HRH1: variants seen among roughly 807,000 people sequenced by gnomAD.
The protein encoded by HRH1 is histamine receptor H1.
Under a neutral mutation model 10.3 loss-of-function variants are expected in HRH1, and 6 were observed. That is an observed-to-expected ratio of 0.58 (90% CI 0.32 to 1.15). The LOEUF (loss-of-function observed/expected upper bound fraction) is 1.15. HRH1 is among the 50% of genes most tolerant of loss of function. The probability of loss-of-function intolerance (pLI) is 0.05; values close to 1 mark genes in which losing one functional copy is unlikely to be tolerated. For synonymous variants in HRH1, 242 were observed against 236.7 expected, an observed-to-expected ratio of 1.02 and a Z score of -0.21; for missense variants, 514 against 615.3, an observed-to-expected ratio of 0.84 and a Z score of 1.74.
At chr3:11,185,373 A>G (rs1330352782) in intron 1 of HRH1, among the ~76,000 whole-genome samples, 3 of 152,156 alleles carry the variant, frequency 2.0e-5, no homozygotes, top group Admixed American at 6.5e-5. Context: ...CAAAGTAGTA[A>G]GTCACTCCCC....
At chr3:11,222,570 T>C (rs1345214514) in intron 1 of HRH1, among the ~76,000 whole-genome samples, 1 of 151,670 alleles carries the variant, frequency 6.6e-6, no homozygotes, top group African/African-American at 2.4e-5. Flanking sequence ...GAGGGAAAAA[T>C]CAATGGAGAA....
chr3:11,220,530 T>C (rs1938677047), intron 1 of HRH1, among the ~76,000 whole-genome samples: 1 of 152,238 alleles, frequency 6.6e-6, no homozygotes, highest in Non-Finnish European at 1.5e-5. Flanking sequence ...GGTGTGGAGC[T>C]GCAGGGCTGC....
chr3:11,170,247 CA>C (rs1465620456), intron 1 of HRH1, among the ~76,000 whole-genome samples: 1 of 152,222 alleles, frequency 6.6e-6, no homozygotes, highest in East Asian at 1.9e-4. Flanking sequence ...ATTGTCATTT[CA>C]TGCCTTTTTA....
rs1005990567 is a variant in HRH1 at position 11,259,217 on chromosome 3, T to C, written c.180T>C (p.Thr60=). 2.7e-5 allele frequency: 44 copies of C among 1,613,236 alleles called. No homozygotes were observed. The highest frequency in any genetic ancestry group is 3.6e-5 in the Non-Finnish European group (42 of 1,179,884). The change falls in exon 2 of 2, where the codon ACT becomes ACC. Residue 60 remains threonine, a synonymous_variant. Transcript: ENST00000431010. The surrounding 1 kb of genome is among the most constrained non-coding windows in gnomAD (Gnocchi z 4.6). ...TACGGAGTGAGCGGAAGCTCCACAC[T>C]GTGGGGAACCTGTACATCGTCAGCC... ...YAVRSERKLH[T]VGNLYIVSLS...
intron 1 of HRH1, among the ~76,000 whole-genome samples, chr3:11,143,039 A>C (rs904526129): frequency 3.9e-5 from 6 of 152,326 alleles, no homozygotes; most frequent in Admixed American, 3.9e-4. Context: ...CTGTGTTTGC[A>C]GGGCTGCAAA....
intron 1 of HRH1, among the ~76,000 whole-genome samples, chr3:11,145,029 G>A (rs1428312483): frequency 3.9e-5 from 6 of 152,046 alleles, no homozygotes; most frequent in Admixed American, 3.9e-4. Flanking sequence ...TTCCTCCTAA[G>A]TATCTCTGGA....
chr3:11,201,810 C>T (rs1339652751), intron 1 of HRH1, among the ~76,000 whole-genome samples: 4 of 152,192 alleles, frequency 2.6e-5, no homozygotes, highest in Admixed American at 2.0e-4. Context: ...AAAATAAAAG[C>T]GGGGACCTTG....
chr3:11,201,624 A>G (rs969304635), intron 1 of HRH1, among the ~76,000 whole-genome samples: 10 of 152,186 alleles, frequency 6.6e-5, no homozygotes, highest in Non-Finnish European at 1.5e-5. Context: ...TCCAAGAAAC[A>G]GGCTGAAAAA....
At chr3:11,203,562 T>G (rs150936839) in intron 1 of HRH1, among the ~76,000 whole-genome samples, 28 of 152,288 alleles carry the variant, frequency 1.8e-4, no homozygotes, top group African/African-American at 6.7e-4. Context: ...CTAGATGTAC[T>G]TTTTTGCATG....
At chr3:11,151,736 A>G (rs1936632577), upstream of HRH1, among the ~76,000 whole-genome samples, 1 of 152,096 alleles carries the variant, frequency 6.6e-6, no homozygotes. Context: ...CCTGAGCTCA[A>G]GTGATCCTCC....
chr3:11,238,228 C>T (rs140779503), intron 1 of HRH1, among the ~76,000 whole-genome samples: 5 of 152,212 alleles, frequency 3.3e-5, no homozygotes, highest in East Asian at 1.9e-4. Context: ...CACAGATGTG[C>T]GGGAGGAAAG....
chr3:11,209,812 T>C (rs996100899), intron 1 of HRH1, among the ~76,000 whole-genome samples: 2 of 152,212 alleles, frequency 1.3e-5, no homozygotes, highest in Non-Finnish European at 1.5e-5. Flanking sequence ...AGGAGGGAGC[T>C]GAGGCTCAGC....
chr3:11,204,706 T>C (rs1938053227), intron 1 of HRH1, among the ~76,000 whole-genome samples: 2 of 152,218 alleles, frequency 1.3e-5, no homozygotes, highest in Non-Finnish European at 1.5e-5. Context: ...AGCTACCCCA[T>C]AGTAAATGTT....
chr3:11,171,617 G>C (rs1937153458), intron 1 of HRH1, among the ~76,000 whole-genome samples: 2 of 152,224 alleles, frequency 1.3e-5, no homozygotes, highest in South Asian at 4.1e-4. Flanking sequence ...AGCCCATGCA[G>C]TGCCAAGAAG....
intron 1 of HRH1, among the ~76,000 whole-genome samples, chr3:11,228,673 T>G (rs1938959367): frequency 6.6e-6 from 1 of 152,048 alleles, no homozygotes; most frequent in African/African-American, 2.4e-5. Flanking sequence ...TTCCAATACT[T>G]TGGGAGGCCG....
At chr3:11,217,516 G>A (rs347597) in intron 1 of HRH1, among the ~76,000 whole-genome samples, 42,589 of 151,968 alleles carry the variant, frequency 0.28, 7,413 homozygotes, top group Non-Finnish European at 0.39. Context: ...GTGACAGAGC[G>A]AGACTTGGTC....
chr3:11,146,072 C>T (rs990449925), intron 1 of HRH1, among the ~76,000 whole-genome samples: 3 of 152,118 alleles, frequency 2.0e-5, no homozygotes, highest in African/African-American at 7.2e-5. Context: ...GGAGACGTGA[C>T]TCAGAGTGGA....
At chr3:11,195,151 C>G (rs1937617842) in intron 1 of HRH1, among the ~76,000 whole-genome samples, 1 of 152,186 alleles carries the variant, frequency 6.6e-6, no homozygotes, top group Admixed American at 6.5e-5. Context: ...TGGCATCCCT[C>G]CAGGACATTT....
chr3:11,226,811 T>A (rs1349665040), intron 1 of HRH1, among the ~76,000 whole-genome samples: 3 of 149,522 alleles, frequency 2.0e-5, no homozygotes, highest in Non-Finnish European at 3.0e-5. Context: ...CACTTGAACC[T>A]GGGAGGCAGA....
Sources: gnomAD v4.1 joint callset for allele counts (sites outside exome capture counted in the v4.1 genomes callset) on GRCh38, gnomAD v4.1.1 for gene constraint, Gnocchi (gnomAD v3.1) non-coding constraint, MANE v1.5 for transcripts, NCBI Gene and HGNC (gene_info 2026-07-23, HGNC 2026-07-21) for gene names.